Variants in NID2 observed in about 807,000 individuals in gnomAD.
NID2 encodes the protein nidogen 2, also known as nidogen-2.
Under a neutral mutation model 145.4 loss-of-function variants are expected in NID2, and 83 were observed. The observed-to-expected ratio is 0.57, with a 90% CI of 0.48 to 0.69. The LOEUF is 0.69. Among genes scored for constraint, NID2 ranks in the 30% least tolerant of loss-of-function variants. NID2 has a pLI of 0.00. For synonymous variants in NID2, 739 were observed against 701.3 expected, an observed-to-expected ratio of 1.05 and a Z score of -0.85; for missense variants, 1,807 against 1,765.7, an observed-to-expected ratio of 1.02 and a Z score of -0.42.
chr14:52,047,085 T>C (rs1293273021), intron 5 of NID2, among the ~76,000 whole-genome samples: 3 of 152,232 alleles, frequency 2.0e-5, no homozygotes, highest in African/African-American at 7.2e-5. Flanking sequence ...GCATTCACTA[T>C]AGACCTGTAC....
In NID2 at chr14:52,040,839, G is replaced by A. The variant is rs577228145; in HGVS notation, c.1838C>T (p.Thr613Ile). ...GTAGAATGTAACTTCCATGTCATGG[G>A]TAAAGGCAGCACCTGGAGATGAAAA... ...NGFSLAGAAFTHDMEVTFYPG... is the reference protein window; with the variant it reads ...NGFSLAGAAFIHDMEVTFYPG... Residue 613 changes from threonine to isoleucine, a missense_variant, in exon 8 of 22, where the codon ACC becomes ATC. Physicochemically the swap from Thr to Ile is moderately conservative, Grantham distance 89. Transcript: ENST00000216286. 2.5e-6 allele frequency: 4 copies of A among 1,614,180 alleles called. No individual in the cohort carries two copies. The Admixed American group carries it at 5.0e-5, about 20-fold the overall frequency.
intron 9 of NID2, among the ~76,000 whole-genome samples, chr14:52,030,707 C>T (rs750292774): frequency 2.7e-5 from 4 of 150,354 alleles, no homozygotes; most frequent in South Asian, 2.1e-4. Flanking sequence ...GAAAATTAGC[C>T]GAGCATGGTG....
intron 5 of NID2, among the ~76,000 whole-genome samples, chr14:52,049,166 T>C (rs898256491): frequency 1.9e-5 from 2 of 107,496 alleles, no homozygotes; most frequent in African/African-American, 3.5e-5. Context: ...GAAGATTTTT[T>C]AAATCTCTTT....
chr14:52,030,483 AAGAAAGAAAGAAAGAAAG>A (rs1891765583), intron 9 of NID2, among the ~76,000 whole-genome samples: 1 of 105,316 alleles, frequency 9.5e-6, no homozygotes, highest in African/African-American at 3.5e-5. Context: ...AGAGAAAGAA[AAGAAAGAAAGAAAGAAAG>A]AGAAAGAAAG....
chr14:52,053,631 A>G lies in NID2; in HGVS notation c.1377T>C (p.Ser459=), dbSNP rs139893723. The change falls in exon 5 of 22, where the codon AGT becomes AGC. Residue 459 remains serine, a synonymous_variant. Transcript: ENST00000216286. ...CCAGTCCCACCTCATACGTCCCTCG[A>G]CTTAAGGGTGTAGTGTGACCTGAAG... ...YPASGHTTPL[S]RGTYEVGLED... is the part of the protein sequence containing the mutation. 1.7e-5 allele frequency: 27 copies of G among 1,614,242 alleles called. No individual in the cohort carries two copies. The highest frequency in any genetic ancestry group is 2.3e-5 in the Non-Finnish European group (27 of 1,180,038).
At chr14:52,060,089 C>A in intron 3 of NID2, 35 bp downstream of exon 3, 1 of 1,470,104 alleles carries the variant, frequency 6.8e-7, no homozygotes, top group South Asian at 1.2e-5. Context: ...TCCTTATATT[C>A]AAATAGGAAA....
intron 18 of NID2, chr14:52,010,159 G>T (rs1270126318): frequency 6.6e-6 from 1 of 152,104 alleles, no homozygotes; most frequent in Non-Finnish European, 1.5e-5. Flanking sequence ...AACCACCTTT[G>T]AGGCACTGCA....
intron 5 of NID2, among the ~76,000 whole-genome samples, chr14:52,052,619 AT>A (rs1176163423): frequency 6.6e-6 from 1 of 152,198 alleles, no homozygotes; most frequent in Non-Finnish European, 1.5e-5. Context: ...TCTCCATGCA[AT>A]AGCCTGCAGA....
chr14:52,008,000 A>G, intron 18 of NID2, 33 bp from the exon 19 acceptor site: 1 of 1,571,866 alleles, frequency 6.4e-7, no homozygotes, highest in Non-Finnish European at 8.6e-7. Flanking sequence ...GTAAAAGAAT[A>G]GCCATGTAGC....
At chr14:52,068,188 G>A in intron 1 of NID2, 25 bp from the exon 2 acceptor site, 1 of 1,607,164 alleles carries the variant, frequency 6.2e-7, no homozygotes, top group Admixed American at 1.7e-5. Context: ...GGACAAAAAG[G>A]TGACAGTCGC....
At chr14:52,026,100 T>A (rs1477781759) in intron 12 of NID2, among the ~76,000 whole-genome samples, 2 of 152,214 alleles carry the variant, frequency 1.3e-5, no homozygotes, top group Non-Finnish European at 2.9e-5. Flanking sequence ...TGAGCTGCTG[T>A]CACAGTGACC....
chr14:52,032,564 T>A (rs984262460), intron 9 of NID2, among the ~76,000 whole-genome samples: 1 of 136,006 alleles, frequency 7.4e-6, no homozygotes, highest in African/African-American at 2.6e-5. Flanking sequence ...GGACCCAATG[T>A]AAGACAAGAA....
intron 12 of NID2, among the ~76,000 whole-genome samples, chr14:52,026,740 T>G (rs574502862): frequency 2.6e-5 from 4 of 152,254 alleles, no homozygotes; most frequent in African/African-American, 9.6e-5. Context: ...AGAAAAGTTT[T>G]GATATGTGTC....
At position 52,069,003 on chromosome 14, in the gene NID2, G is replaced by C. The variant is rs1442514001; in HGVS notation, c.-9C>G. ...ACCCGGTCCCCCTCCATGCTCGCTC[G>C]GCCGTGCGCTTACCCGCTGCACAAC... On this transcript the variant is annotated 5_prime_UTR_variant, in exon 1 of 22. Coordinates refer to ENST00000216286, the MANE Select transcript of NID2 (RefSeq NM_007361.4). The C allele has an allele frequency of 1.9e-6, 3 of 1,597,918 alleles. No homozygotes were observed. The highest frequency in any genetic ancestry group is 1.7e-5 in the Admixed American group (1 of 59,604).
At position 52,005,195 on chromosome 14, in the gene NID2, T is replaced by TTTTAAATATTAATGATAAATGTTTA; in HGVS notation, c.*266_*290dup. ...AATTCTTAGTTGAATGAATTTGATC[T>TTTTAAATATTAATGATAAATGTTTA]TTTAAATATTAATGATAAATGTTTA... On this transcript the variant is annotated 3_prime_UTR_variant, in exon 22 of 22. Coordinates refer to ENST00000216286, the MANE Select transcript of NID2 (RefSeq NM_007361.4). The TTTTAAATATTAATGATAAATGTTTA allele has an allele frequency of 1.0e-5, 3 of 290,464 alleles. No homozygotes were observed. The highest frequency in any genetic ancestry group is 1.9e-5 in the Non-Finnish European group (3 of 157,554). 18.0% of individuals were successfully genotyped at this position (290,464 alleles called of 1,614,324 possible). A position where few individuals can be genotyped will look rare whatever the true frequency, so the allele number is the denominator to read the frequency against.
At chr14:52,007,389 A>G (rs1890827072) in intron 19 of NID2, 1 of 194,280 alleles carries the variant, frequency 5.1e-6, no homozygotes, top group Non-Finnish European at 1.0e-5. Flanking sequence ...GTAGGTTGCT[A>G]ATACCCATGT....
At chr14:52,063,762 C>T (rs1206851241) in intron 2 of NID2, among the ~76,000 whole-genome samples, 1 of 152,204 alleles carries the variant, frequency 6.6e-6, no homozygotes, top group Admixed American at 6.5e-5. Flanking sequence ...TTGCTGTGAA[C>T]ACTAACCTCC....
chr14:52,046,341 A>AAAAAAAAAAAAAAAGC (rs33978626), intron 5 of NID2, among the ~76,000 whole-genome samples: 1 of 123,172 alleles, frequency 8.1e-6, no homozygotes. Flanking sequence ...AAAAAAAAAA[A>AAAAAAAAAAAAAAAGC]AGCCGTTTTC....
At chr14:52,041,375 G>C (rs977281320) in intron 7 of NID2, among the ~76,000 whole-genome samples, 3 of 152,146 alleles carry the variant, frequency 2.0e-5, no homozygotes, top group Non-Finnish European at 4.4e-5. Context: ...ATTAAAGCAA[G>C]AACCTATTAA....
Sources: allele counts gnomAD v4.1 joint callset (sites outside exome capture counted in the v4.1 genomes callset), GRCh38; gene constraint gnomAD v4.1.1; transcripts MANE v1.5; gene names NCBI Gene and HGNC (gene_info 2026-07-23, HGNC 2026-07-21).